Variants in KCNH2 observed in about 807,000 individuals in gnomAD.
The protein encoded by KCNH2 is potassium voltage-gated channel subfamily H member 2, also known as voltage-gated inwardly rectifying potassium channel KCNH2.
In KCNH2, 35 loss-of-function variants were observed where a neutral mutation model predicts 95.9. That is an observed-to-expected ratio of 0.37 (90% CI 0.28 to 0.48). The LOEUF (loss-of-function observed/expected upper bound fraction) is 0.48, where lower values mean the gene tolerates loss of function less well. Ranked by LOEUF, KCNH2 falls within the 20% of genes least tolerant of loss-of-function variation. The pLI is 0.99. For synonymous variants in KCNH2, 786 were observed against 754.7 expected, an observed-to-expected ratio of 1.04 and a Z score of -0.68; for missense variants, 1,274 against 1,702.9, an observed-to-expected ratio of 0.75 and a Z score of 4.43.
At chr7:150,948,065 C>T (rs970892536) in intron 11 of KCNH2, among the ~76,000 whole-genome samples, 187 bp from the exon 12 acceptor site, 1 of 152,252 alleles carries the variant, frequency 6.6e-6, no homozygotes, top group Admixed American at 6.5e-5. Context: ...GACCCCCTGA[C>T]TGCCCAAGCA....
rs925104028 is a variant in KCNH2, at chr7:150,978,235, T to C, written c.-322A>G. On this transcript the variant is annotated 5_prime_UTR_variant, in exon 1 of 15. Transcript: ENST00000262186. The stretch of plus-strand genomic sequence containing the variant: ...TCCGCCCGCCCGAGCCCCGGACTCC[T>C]GGCTCCCGCCTGCCACCGCGCCGAC... 9.6e-5 allele frequency: 14 copies of C among 145,664 alleles called. No homozygotes were observed. The highest frequency in any genetic ancestry group is 2.1e-4 in the Non-Finnish European group (14 of 65,596). The allele number at this position is 145,664 out of a possible 1,614,324, so 9.0% of individuals were successfully genotyped here.
At chr7:150,953,864 G>A (rs1357693537) in intron 5 of KCNH2, among the ~76,000 whole-genome samples, 1 of 152,180 alleles carries the variant, frequency 6.6e-6, no homozygotes, top group Non-Finnish European at 1.5e-5. Context: ...TTCCAGAGGT[G>A]CTGGCCCTGC....
At chr7:150,949,332 T>G in intron 9 of KCNH2, 3 of 1,344,814 alleles carry the variant, frequency 2.2e-6, no homozygotes, top group Non-Finnish European at 2.9e-6. Context: ...AAACACCCTC[T>G]TAGCCAATCA....
At chr7:150,957,863 G>A (rs1000176105) in intron 4 of KCNH2, among the ~76,000 whole-genome samples, 196 bp downstream of exon 4, 7 of 152,222 alleles carry the variant, frequency 4.6e-5, no homozygotes, top group Non-Finnish European at 7.3e-5. Flanking sequence ...GGGAGTGGAA[G>A]AATGTAATGG....
intron 3 of KCNH2, among the ~76,000 whole-genome samples, chr7:150,958,968 A>T (rs1319480880): frequency 6.6e-6 from 1 of 152,222 alleles, no homozygotes; most frequent in African/African-American, 2.4e-5. Flanking sequence ...CCAAGAGGTG[A>T]GCACTTTTGT....
chr7:150,954,195 C>A (rs1801284710), intron 5 of KCNH2, among the ~76,000 whole-genome samples: 1 of 152,008 alleles, frequency 6.6e-6, no homozygotes. Context: ...TGTCTGCTGT[C>A]TAAGTGCCCA....
At position 150,947,171 on chromosome 7, in the gene KCNH2, C is replaced by T. The variant is rs570964313; in HGVS notation, c.3153-117G>A. 172 of 1,123,038 alleles carry T rather than the reference C, an allele frequency of 1.5e-4. 1 individual carries two copies. The African/African-American group carries it at 1.7e-3, about 11-fold the overall frequency. The allele number at this position is 1,123,038 out of a possible 1,614,324, so 69.6% of individuals were successfully genotyped here. On this transcript the variant is annotated intron_variant, in intron 13 of 14. Coordinates refer to ENST00000262186, the MANE Select transcript of KCNH2 (RefSeq NM_000238.4). ...GCAGCCTGTCAACCCAGGCCCTCCG[C>T]GCTAGAGGTGTGGCAGCCCCCAGCT...
Position 150,947,778 on chromosome 7 carries a change from C to T in KCNH2, c.2793G>A (p.Pro931=), listed in dbSNP as rs200976506. 26 of 1,537,064 alleles carry T rather than the reference C, an allele frequency of 1.7e-5. No homozygotes were observed. The highest frequency in any genetic ancestry group is 5.5e-5 in the African/African-American group (4 of 73,060). Residue 931 remains proline, a synonymous_variant, in exon 12 of 15, where the codon CCG becomes CCA. Coordinates refer to ENST00000262186, the MANE Select transcript of KCNH2 (RefSeq NM_000238.4). ...GRPGGPWGES[P]SSGPSSPESS... is the part of the protein sequence containing the mutation. ...TCTCAGGGCTGGAGGGGCCACTGGA[C>T]GGGCTCTCCCCCCACGGCCCCCCCG...
Position 150,965,069 on chromosome 7 carries a change from C to CGTGTGT in KCNH2, c.308-5339_308-5334dup, listed in dbSNP as rs557975256. Among the ~76,000 whole-genome samples, 129 of 150,948 alleles carry CGTGTGT rather than the reference C, an allele frequency of 8.5e-4. 1 individual carries two copies. The highest frequency in any genetic ancestry group is 2.9e-3 in the African/African-American group (118 of 41,120). On this transcript the variant is annotated intron_variant, in intron 2 of 14. Transcript: ENST00000262186. Reference sequence around the variant, plus strand: ...CAGGGAGAGAGTGTGTGTGTGCGCGCGTGTGTGTGTGTGTGCTGAATGAGA... The same window carrying CGTGTGT: ...CAGGGAGAGAGTGTGTGTGTGCGCGCGTGTGTGTGTGTGTGTGTGTGCTGAATGAGA...
Position 150,961,669 on chromosome 7 carries a change from G to A in KCNH2, c.308-1933C>T, listed in dbSNP as rs752385100. Among the ~76,000 whole-genome samples, 1 of 152,152 alleles carries A rather than the reference G, an allele frequency of 6.6e-6. No homozygotes were observed. The highest frequency in any genetic ancestry group is 2.4e-5 in the African/African-American group (1 of 41,432). Reference sequence around the variant, plus strand: ...ACTCCTGATCTCAAACCCACAGCAGGGGCGACAGTGGTGGTGCTGTGAGTC... The same window carrying A: ...ACTCCTGATCTCAAACCCACAGCAGAGGCGACAGTGGTGGTGCTGTGAGTC... On this transcript the variant is annotated intron_variant, in intron 2 of 14. Transcript: ENST00000262186. This position sits in a 1 kb window ranked among gnomAD's most constrained non-coding sequence, Gnocchi z 6.2.
intron 2 of KCNH2, among the ~76,000 whole-genome samples, chr7:150,968,331 G>C (rs188078871): frequency 4.6e-5 from 7 of 152,336 alleles, no homozygotes; most frequent in Non-Finnish European, 8.8e-5. Context: ...ATTTACAGTG[G>C]CTGGGAGTTG....
At chr7:150,975,849 G>A (rs1306312638) in intron 1 of KCNH2, among the ~76,000 whole-genome samples, 1 of 152,204 alleles carries the variant, frequency 6.6e-6, no homozygotes, top group African/African-American at 2.4e-5. Flanking sequence ...GAGCCTGGGC[G>A]GGGCCTGAGA....
chr7:150,977,939 G>A lies in KCNH2; in HGVS notation c.-26C>T. The A allele has an allele frequency of 1.3e-6, 2 of 1,556,022 alleles. No homozygotes were observed. Among genetic ancestry groups the A allele is most frequent in the South Asian group, 1.2e-5 (1 of 86,340 alleles). On this transcript the variant is annotated 5_prime_UTR_variant, in exon 1 of 15. Coordinates refer to ENST00000262186, the MANE Select transcript of KCNH2 (RefSeq NM_000238.4). ...CCTGAGCCCATGGGCGGGCCGGGCGGGCCCCCACCCACCCCGGCCCGGCCC... is the reference window on the plus strand; with the variant it reads ...CCTGAGCCCATGGGCGGGCCGGGCGAGCCCCCACCCACCCCGGCCCGGCCC...
intron 2 of KCNH2, among the ~76,000 whole-genome samples, 197 bp downstream of exon 2, chr7:150,974,514 A>G (rs1801920509): frequency 6.6e-6 from 1 of 152,158 alleles, no homozygotes; most frequent in Non-Finnish European, 1.5e-5. Flanking sequence ...AGTGAGGCGC[A>G]GGCCCCGGAA....
Position 150,951,720 on chromosome 7 carries a change from G to A in KCNH2, c.1673C>T (p.Ala558Val), listed in dbSNP as rs199472919. ...AVLFLLMCTF[A>V]LIAHWLACIW... ...GCAGGCTAGCCAGTGCGCGATGAGC[G>A]CAAAGGTGCACATGAGCAAGAACAG... Residue 558 changes from alanine to valine, a missense_variant, in exon 7 of 15, where the codon GCG (alanine) becomes GTG (valine). Transcript: ENST00000262186. 16 of 1,613,570 alleles carry A rather than the reference G, an allele frequency of 9.9e-6. No individual in the cohort carries two copies. The highest frequency in any genetic ancestry group is 2.2e-5 in the South Asian group (2 of 91,080).
In KCNH2 at chr7:150,952,507, T is replaced by C; in HGVS notation, c.1475A>G (p.His492Arg). Residue 492 changes from histidine (H) to arginine (R), a missense_variant, in exon 6 of 15, where the codon CAC becomes CGC. Coordinates refer to ENST00000262186, the MANE Select transcript of KCNH2 (RefSeq NM_000238.4). The surrounding 1 kb of genome is among the most constrained non-coding windows in gnomAD (Gnocchi z 7.3). ...GATGAGGAACCAGCCCTTGAAGTAGTGGACGGCGATGCGGCCGGGGTGGCT... is the reference window on the plus strand; with the variant it reads ...GATGAGGAACCAGCCCTTGAAGTAGCGGACGGCGATGCGGCCGGGGTGGCT... ...VVSHPGRIAV[H>R]YFKGWFLIDM... 6.2e-7 allele frequency: 1 copy of C among 1,614,120 alleles called. No homozygotes were observed. The highest frequency in any genetic ancestry group is 8.5e-7 in the Non-Finnish European group (1 of 1,180,018).
At chr7:150,956,121 T>C (rs1366517543) in intron 5 of KCNH2, among the ~76,000 whole-genome samples, 1 of 151,962 alleles carries the variant, frequency 6.6e-6, no homozygotes, top group Non-Finnish European at 1.5e-5. Flanking sequence ...TGCCGACACA[T>C]ACAGGCGCAC....
chr7:150,948,565 G>A (rs1801012290), intron 10 of KCNH2, 22 bp from the exon 11 acceptor site: 2 of 1,603,212 alleles, frequency 1.2e-6, no homozygotes, highest in East Asian at 2.2e-5. Context: ...ATCAGTATCA[G>A]GGCCCTTTCA....
Position 150,952,310 on chromosome 7 carries a change from T to C in KCNH2, c.1557+115A>G, listed in dbSNP as rs1801203523. 7.4e-6 allele frequency: 8 copies of C among 1,087,078 alleles called. No individual in the cohort carries two copies. The highest frequency in any genetic ancestry group is 1.1e-5 in the Non-Finnish European group (8 of 742,556). The allele number at this position is 1,087,078 out of a possible 1,614,324, so 67.3% of individuals were successfully genotyped here. A position where few individuals can be genotyped will look rare whatever the true frequency, so the allele number is the denominator to read the frequency against. ...TCTCTCTCCCACTGTCTTTCTCTCT[T>C]TCTCTCTCTCTCTCTTTTTCTCTGT... On this transcript the variant is annotated intron_variant, in intron 6 of 14. Coordinates refer to ENST00000262186, the MANE Select transcript of KCNH2 (RefSeq NM_000238.4). This position sits in a 1 kb window ranked among gnomAD's most constrained non-coding sequence, Gnocchi z 7.3.
Sources: allele counts gnomAD v4.1 joint callset (sites outside exome capture counted in the v4.1 genomes callset), GRCh38; gene constraint gnomAD v4.1.1; non-coding constraint Gnocchi (gnomAD v3.1); transcripts MANE v1.5; gene names NCBI Gene and HGNC (gene_info 2026-07-23, HGNC 2026-07-21).